Variants in CDK3 observed in about 807,000 individuals in gnomAD.
The protein encoded by CDK3 is cyclin-dependent kinase 3.
Under a neutral mutation model 30.2 loss-of-function variants are expected in CDK3, and 24 were observed. The ratio of observed to expected loss-of-function variants is 0.79; its 90% CI spans 0.57 to 1.12. The LOEUF (loss-of-function observed/expected upper bound fraction) is 1.12, where lower values mean the gene tolerates loss of function less well. Among genes scored for constraint, CDK3 ranks in the 50% most tolerant of loss-of-function variants. CDK3 has a pLI of 0.00. For synonymous variants in CDK3, 158 were observed against 154.2 expected, an observed-to-expected ratio of 1.02 and a Z score of -0.18; for missense variants, 345 against 376.0, an observed-to-expected ratio of 0.92 and a Z score of 0.68.
chr17:76,002,313 C>T lies in CDK3; in HGVS notation c.381C>T (p.Asp127=), dbSNP rs201794034. The T allele has an allele frequency of 5.0e-6, 8 of 1,612,490 alleles. No homozygotes were observed. The East Asian group carries it at 8.9e-5, about 18-fold the overall frequency. The change falls in exon 5 of 8, where the codon GAC becomes GAT. Residue 127 remains aspartate (D), a synonymous_variant. Transcript: ENST00000448471. The surrounding 1 kb of genome is among the most constrained non-coding windows in gnomAD (Gnocchi z 4.3). ...ACTCACATCGGGTCATCCACCGAGA[C>T]CTGAAGCCCCAGAACCTGCTCATCA... ...FCHSHRVIHR[D]LKPQNLLINE...
In CDK3 at chr17:76,002,178, CCCATCCCTG is replaced by C; in HGVS notation, c.315+46_316-52del. 6.2e-7 allele frequency: 1 copy of C among 1,613,020 alleles called. No individual in the cohort carries two copies. Among genetic ancestry groups the C allele is most frequent in the Non-Finnish European group, 8.5e-7 (1 of 1,179,484 alleles). On this transcript the variant is annotated intron_variant, in intron 4 of 7. Coordinates refer to ENST00000448471, the MANE Select transcript of CDK3 (RefSeq NM_001258.4). This position sits in a 1 kb window ranked among gnomAD's most constrained non-coding sequence, Gnocchi z 4.3. ...AAGGGCAGGGAAGGAGAGGTGACAC[CCCATCCCTG>C]CCATCCCTGTCCACGCAGCACCTCC...
At position 76,003,229 on chromosome 17, in the gene CDK3, A is replaced by C. The variant is rs1364659184; in HGVS notation, c.623A>C (p.Glu208Ala). 2 of 1,614,156 alleles carry C rather than the reference A, an allele frequency of 1.2e-6. No homozygotes were observed. The highest frequency in any genetic ancestry group is 8.5e-7 in the Non-Finnish European group (1 of 1,180,032). ...AAAGCCCTGTTTCCTGGTGACTCTGAGATTGACCAGCTCTTTCGTATCTTT... is the reference window on the plus strand; with the variant it reads ...AAAGCCCTGTTTCCTGGTGACTCTGCGATTGACCAGCTCTTTCGTATCTTT... ...TRKALFPGDS[E>A]IDQLFRIFRM... Residue 208 changes from glutamate (E) to alanine (A), a missense_variant, in exon 7 of 8, where the codon GAG becomes GCG. Physicochemically the swap from Glu to Ala is moderately radical, Grantham distance 107. Coordinates refer to ENST00000448471, the MANE Select transcript of CDK3 (RefSeq NM_001258.4).
In CDK3 at chr17:76,003,246, C is replaced by A; in HGVS notation, c.640C>A (p.Arg214Ser). 2 of 1,614,184 alleles carry A rather than the reference C, an allele frequency of 1.2e-6. No homozygotes were observed. The highest frequency in any genetic ancestry group is 1.7e-6 in the Non-Finnish European group (2 of 1,180,036). Residue 214 changes from arginine to serine, a missense_variant, in exon 7 of 8, where the codon CGT becomes AGT. Coordinates refer to ENST00000448471, the MANE Select transcript of CDK3 (RefSeq NM_001258.4). ...TGACTCTGAGATTGACCAGCTCTTT[C>A]GTATCTTTCGTATGCTGGGGACACC... is the stretch of plus-strand genomic sequence containing the variant. ...PGDSEIDQLF[R>S]IFRMLGTPSE...
At position 76,003,351 on chromosome 17, in the gene CDK3, G is replaced by A; in HGVS notation, c.745G>A (p.Glu249Lys). ...CCCTAAGTGGACCAGGAAGGGACTG[G>A]AAGAGATTGTGCCCAATCTGGAGCC... The part of the protein sequence containing the change: ...SFPKWTRKGL[E>K]EIVPNLEPEG... The change falls in exon 7 of 8, where the codon GAA (glutamate) becomes AAA (lysine). Residue 249 changes from glutamate (E) to lysine (K), a missense_variant. By Grantham distance (56) the Glu-to-Lys change is moderately conservative. Coordinates refer to ENST00000448471, the MANE Select transcript of CDK3 (RefSeq NM_001258.4). 1 of 1,613,988 alleles carries A rather than the reference G, an allele frequency of 6.2e-7. No homozygotes were observed. Among genetic ancestry groups the A allele is most frequent in the South Asian group, 1.1e-5 (1 of 91,070 alleles).
chr17:76,001,804 G>T lies in CDK3; in HGVS notation c.117-70G>T. ...CATTCTGTGGGGTTAAGGAGAAGCC[G>T]ATCCCCCTGGCTGGAAGTGCCCTTC... On this transcript the variant is annotated intron_variant, in intron 2 of 7. Transcript: ENST00000448471. The surrounding 1 kb of genome is among the most constrained non-coding windows in gnomAD (Gnocchi z 6.2). 6.9e-7 allele frequency: 1 copy of T among 1,441,924 alleles called. No individual in the cohort carries two copies. The allele number at this position is 1,441,924 out of a possible 1,614,324, so 89.3% of individuals were successfully genotyped here. A position where few individuals can be genotyped will look rare whatever the true frequency, so the allele number is the denominator to read the frequency against.
rs2066278339 is a variant in CDK3, at chr17:76,003,267, A to G, written c.661A>G (p.Thr221Ala). Residue 221 changes from threonine to alanine, a missense_variant, in exon 7 of 8, where the codon ACA (threonine) becomes GCA (alanine). Physicochemically the swap from Thr to Ala is moderately conservative, Grantham distance 58. Transcript: ENST00000448471. ...CTTTCGTATCTTTCGTATGCTGGGG[A>G]CACCCAGCGAAGACACATGGCCCGG... ...QLFRIFRMLG[T>A]PSEDTWPGVT... The G allele has an allele frequency of 6.2e-7, 1 of 1,614,022 alleles. No individual in the cohort carries two copies. The highest frequency in any genetic ancestry group is 8.5e-7 in the Non-Finnish European group (1 of 1,179,974).
Position 76,005,360 on chromosome 17 carries a change from C to A in CDK3, c.855C>A (p.Tyr285Ter). The change falls in exon 8 of 8, where the codon TAC (tyrosine) becomes TAA (stop). Residue 285 changes from tyrosine to a stop codon, truncating the protein, a stop_gained. Transcript: ENST00000448471. LOFTEE classifies it low-confidence loss of function (END_TRUNC). The surrounding 1 kb of genome is among the most constrained non-coding windows in gnomAD (Gnocchi z 4.7). Reference protein sequence around the residue: ...ITAKTALAHPYFSSPEPSPAA... With the variant: ...ITAKTALAHP ...CCAAGACTGCCCTGGCCCACCCGTA[C>A]TTCTCATCCCCTGAGCCCTCCCCAG... is the stretch of plus-strand genomic sequence containing the variant. 1 of 1,614,134 alleles carries A rather than the reference C, an allele frequency of 6.2e-7. No homozygotes were observed. Among genetic ancestry groups the A allele is most frequent in the East Asian group, 2.2e-5 (1 of 44,874 alleles).
In CDK3 at chr17:76,001,434, G is replaced by A. The variant is rs759038608; in HGVS notation, c.9G>A (p.Met3Ile). The change falls in exon 2 of 8, where the codon ATG (methionine) becomes ATA (isoleucine). Residue 3 changes from methionine (M) to isoleucine (I), a missense_variant. By Grantham distance (10) the Met-to-Ile change is conservative. Transcript: ENST00000448471. The surrounding 1 kb of genome is among the most constrained non-coding windows in gnomAD (Gnocchi z 6.2). MDMFQKVEKIGEG... is the reference protein window; with the variant it reads MDIFQKVEKIGEG... ...CAGGCAGCTCTGTGGCCATGGATAT[G>A]TTCCAGAAGGTAGAGAAGATCGGAG... 18 of 1,614,152 alleles carry A rather than the reference G, an allele frequency of 1.1e-5. No homozygotes were observed. In the East Asian group the frequency reaches 3.8e-4, roughly 34 times the overall value.
Position 76,005,331 on chromosome 17 carries a change from A to G in CDK3, c.826A>G (p.Thr276Ala), listed in dbSNP as rs372181171. Residue 276 changes from threonine to alanine, a missense_variant, in exon 8 of 8, where the codon ACA (threonine) becomes GCA (alanine). Coordinates refer to ENST00000448471, the MANE Select transcript of CDK3 (RefSeq NM_001258.4). This position sits in a 1 kb window ranked among gnomAD's most constrained non-coding sequence, Gnocchi z 4.7. ...LLQYDPSQRI[T>A]AKTALAHPYF... ...GCAGTATGACCCCAGCCAGCGGATC[A>G]CAGCCAAGACTGCCCTGGCCCACCC... The G allele has an allele frequency of 5.6e-5, 90 of 1,613,838 alleles. No individual in the cohort carries two copies. Among genetic ancestry groups the G allele is most frequent in the Non-Finnish European group, 7.5e-5 (89 of 1,179,902 alleles).
At position 76,005,430 on chromosome 17, in the gene CDK3, C is replaced by G; in HGVS notation, c.*7C>G. The G allele has an allele frequency of 6.2e-7, 1 of 1,611,758 alleles. No individual in the cohort carries two copies. The highest frequency in any genetic ancestry group is 1.1e-5 in the South Asian group (1 of 90,826). On this transcript the variant is annotated 3_prime_UTR_variant, in exon 8 of 8. Transcript: ENST00000448471. The surrounding 1 kb of genome is among the most constrained non-coding windows in gnomAD (Gnocchi z 4.7). ...GCAGCGATTCCGCCATTGAGAATGT[C>G]AAGGCCACACTCAGATCCTTTCTCG...
chr17:76,003,137 A>G lies in CDK3; in HGVS notation c.589-58A>G, dbSNP rs2066277093. 25 of 1,439,786 alleles carry G rather than the reference A, an allele frequency of 1.7e-5. 1 individual carries two copies. The South Asian group carries it at 2.7e-4, about 15-fold the overall frequency. 89.2% of individuals were successfully genotyped at this position (1,439,786 alleles called of 1,614,324 possible). A position where few individuals can be genotyped will look rare whatever the true frequency, so the allele number is the denominator to read the frequency against. On this transcript the variant is annotated intron_variant, in intron 6 of 7. Transcript: ENST00000448471. The stretch of plus-strand genomic sequence containing the variant: ...CCCTGGGTCTGGCCACTTATCTGGT[A>G]TTGGATTCTGTATAACAAAGTGGCG...
chr17:76,003,467 A>C lies in CDK3; in HGVS notation c.792+69A>C, dbSNP rs1029881667. ...CCCTCATCAGCCAGCCTCTTACATA[A>C]CCCTGGCACTTTCTGAGTCCAAGGC... On this transcript the variant is annotated intron_variant, in intron 7 of 7. Transcript: ENST00000448471. 9 of 1,324,750 alleles carry C rather than the reference A, an allele frequency of 6.8e-6. No individual in the cohort carries two copies. In the African/African-American group the frequency reaches 1.2e-4, roughly 17 times the overall value. 82.1% of individuals were successfully genotyped at this position (1,324,750 alleles called of 1,614,324 possible).
At chr17:76,003,449 C>T (rs2066280213) in intron 7 of CDK3, 51 bp downstream of exon 7, 6 of 1,487,724 alleles carry the variant, frequency 4.0e-6, no homozygotes, top group Non-Finnish European at 5.6e-6. Context: ...TTCCCCTCAT[C>T]AGCCAGCCTC....
chr17:76,002,885 G>A lies in CDK3; in HGVS notation c.588+273G>A. On this transcript the variant is annotated intron_variant, in intron 6 of 7. Coordinates refer to ENST00000448471, the MANE Select transcript of CDK3 (RefSeq NM_001258.4). This position sits in a 1 kb window ranked among gnomAD's most constrained non-coding sequence, Gnocchi z 4.3. The stretch of plus-strand genomic sequence containing the variant: ...GTGGTGGTGCATGCTTGTAGTCCCA[G>A]CTACTTGGGAGGTTGAGGCAGGAGG... 1 of 539,370 alleles carries A rather than the reference G, an allele frequency of 1.9e-6. No homozygotes were observed. The highest frequency in any genetic ancestry group is 3.3e-6 in the Non-Finnish European group (1 of 300,522). 33.4% of individuals were successfully genotyped at this position (539,370 alleles called of 1,614,324 possible).
Position 76,000,875 on chromosome 17 carries a change from C to T in CDK3, c.-107C>T. The T allele has an allele frequency of 6.7e-6, 7 of 1,049,894 alleles. No individual in the cohort carries two copies. Among genetic ancestry groups the T allele is most frequent in the Non-Finnish European group, 8.1e-6 (7 of 868,914 alleles). The allele number at this position is 1,049,894 out of a possible 1,614,324, so 65.0% of individuals were successfully genotyped here. A position where few individuals can be genotyped will look rare whatever the true frequency, so the allele number is the denominator to read the frequency against. ...CTTTAAGACCCTCCTGACCCCTGAC[C>T]TCTGCCCCCAGTGGCCCTGGCCCCT... On this transcript the variant is annotated 5_prime_UTR_variant, in exon 1 of 8. Coordinates refer to ENST00000448471, the MANE Select transcript of CDK3 (RefSeq NM_001258.4). This position sits in a 1 kb window ranked among gnomAD's most constrained non-coding sequence, Gnocchi z 5.9.
At position 76,002,589 on chromosome 17, in the gene CDK3, A is replaced by G; in HGVS notation, c.565A>G (p.Ile189Val). The change falls in exon 6 of 8, where the codon ATT becomes GTT. Residue 189 changes from isoleucine to valine, a missense_variant. Physicochemically the swap from Ile to Val is conservative, Grantham distance 29. Coordinates refer to ENST00000448471, the MANE Select transcript of CDK3 (RefSeq NM_001258.4). This position sits in a 1 kb window ranked among gnomAD's most constrained non-coding sequence, Gnocchi z 4.3. ...FYTTAVDIWS[I>V]GCIFAEMVTR... ...TACCACAGCTGTGGATATCTGGAGC[A>G]TTGGTTGCATCTTTGCAGAGATGGT... 1.2e-6 allele frequency: 1 copy of G among 845,446 alleles called. No individual in the cohort carries two copies. The highest frequency in any genetic ancestry group is 2.1e-6 in the Non-Finnish European group (1 of 477,386). 52.4% of individuals were successfully genotyped at this position (845,446 alleles called of 1,614,324 possible). A position where few individuals can be genotyped will look rare whatever the true frequency, so the allele number is the denominator to read the frequency against.
chr17:76,000,892 C>T lies in CDK3; in HGVS notation c.-90C>T. 1 of 1,055,006 alleles carries T rather than the reference C, an allele frequency of 9.5e-7. No homozygotes were observed. The highest frequency in any genetic ancestry group is 1.1e-6 in the Non-Finnish European group (1 of 871,894). The allele number at this position is 1,055,006 out of a possible 1,614,324, so 65.4% of individuals were successfully genotyped here. On this transcript the variant is annotated 5_prime_UTR_variant, in exon 1 of 8. Transcript: ENST00000448471. This position sits in a 1 kb window ranked among gnomAD's most constrained non-coding sequence, Gnocchi z 5.9. ...CCCCTGACCTCTGCCCCCAGTGGCCCTGGCCCCTGGGCAGCCCTTCCTGGC... is the reference window on the plus strand; with the variant it reads ...CCCCTGACCTCTGCCCCCAGTGGCCTTGGCCCCTGGGCAGCCCTTCCTGGC...
chr17:76,005,161 G>A lies in CDK3; in HGVS notation c.793-137G>A. Reference sequence around the variant, plus strand: ...TCCGGAACTGGCTGGAGAGCTGGGAGGTCATGGCTTCATGCGGTTCTGGGT... The same window carrying A: ...TCCGGAACTGGCTGGAGAGCTGGGAAGTCATGGCTTCATGCGGTTCTGGGT... On this transcript the variant is annotated intron_variant, in intron 7 of 7. Coordinates refer to ENST00000448471, the MANE Select transcript of CDK3 (RefSeq NM_001258.4). This position sits in a 1 kb window ranked among gnomAD's most constrained non-coding sequence, Gnocchi z 4.7. 5.9e-6 allele frequency: 6 copies of A among 1,015,040 alleles called. No homozygotes were observed. The highest frequency in any genetic ancestry group is 8.5e-6 in the Non-Finnish European group (6 of 704,850). 62.9% of individuals were successfully genotyped at this position (1,015,040 alleles called of 1,614,324 possible). A position where few individuals can be genotyped will look rare whatever the true frequency, so the allele number is the denominator to read the frequency against.
rs1255794835 is a variant in CDK3 at position 76,003,368 on chromosome 17, T to C, written c.762T>C (p.Asn254=). The C allele has an allele frequency of 1.9e-5, 31 of 1,613,674 alleles. No homozygotes were observed. The highest frequency in any genetic ancestry group is 3.3e-5 in the Admixed American group (2 of 59,996). The part of the protein sequence containing the change: ...TRKGLEEIVP[N]LEPEGRDLLM... ...AGGGACTGGAAGAGATTGTGCCCAA[T>C]CTGGAGCCAGAGGGCAGGGACCTGC... The change falls in exon 7 of 8, where the codon AAT becomes AAC. Residue 254 remains asparagine (N), a synonymous_variant. Coordinates refer to ENST00000448471, the MANE Select transcript of CDK3 (RefSeq NM_001258.4).
Sources: allele counts gnomAD v4.1 joint callset, GRCh38; gene constraint gnomAD v4.1.1; non-coding constraint Gnocchi (gnomAD v3.1); transcripts MANE v1.5; gene names NCBI Gene and HGNC (gene_info 2026-07-23, HGNC 2026-07-21).